The following JARID2 variants were observed in gnomAD, a reference collection of about 807,000 sequenced individuals.
The protein encoded by JARID2 is protein Jumonji.
In JARID2, 21 loss-of-function variants were observed where a neutral mutation model predicts 125.6. The observed-to-expected ratio is 0.17, with a 90% CI of 0.12 to 0.24. The LOEUF is 0.24. JARID2 is among the 10% of genes least tolerant of loss of function. The pLI is 1.00. For synonymous variants in JARID2, 736 were observed against 661.6 expected, an observed-to-expected ratio of 1.11 and a Z score of -1.73; for missense variants, 1,303 against 1,639.6, an observed-to-expected ratio of 0.79 and a Z score of 3.55.
intron 1 of JARID2, among the ~76,000 whole-genome samples, chr6:15,260,656 C>T (rs1320328547): frequency 6.6e-6 from 1 of 152,170 alleles, no homozygotes; most frequent in Non-Finnish European, 1.5e-5. Context: ...GAGTTCTTGT[C>T]TGGATGAGAT....
intron 6 of JARID2, among the ~76,000 whole-genome samples, chr6:15,495,711 GTC>G (rs1770381042): frequency 6.6e-6 from 1 of 152,206 alleles, no homozygotes; most frequent in Non-Finnish European, 1.5e-5. Flanking sequence ...GTGTGTGTCT[GTC>G]TCCACTTCCC....
In JARID2 at chr6:15,246,577, A is replaced by G; in HGVS notation, c.38A>G (p.Lys13Arg). The change falls in exon 1 of 18, where the codon AAG becomes AGG. Residue 13 changes from lysine to arginine, a missense_variant. Physicochemically the swap from Lys to Arg is conservative, Grantham distance 26 (BLOSUM62 2). Coordinates refer to ENST00000341776, the MANE Select transcript of JARID2 (RefSeq NM_004973.4). ...KERPKRNIIQKKYDDSDGIPW... is the reference protein window; with the variant it reads ...KERPKRNIIQRKYDDSDGIPW... ...AGACCCAAGAGGAATATCATTCAGA[A>G]GAAATACGTAAGTGCTCCTAACAAC... is the stretch of plus-strand genomic sequence containing the variant. 1 of 1,613,004 alleles carries G rather than the reference A, an allele frequency of 6.2e-7. No individual in the cohort carries two copies. Among genetic ancestry groups the G allele is most frequent in the East Asian group, 2.2e-5 (1 of 44,866 alleles).
chr6:15,362,717 A>G (rs905855942), intron 1 of JARID2, among the ~76,000 whole-genome samples: 4 of 152,190 alleles, frequency 2.6e-5, no homozygotes, highest in African/African-American at 7.2e-5. Context: ...GGATGGTGTC[A>G]AATTGCAGCG....
intron 1 of JARID2, among the ~76,000 whole-genome samples, chr6:15,295,484 G>A (rs1761380334): frequency 6.6e-6 from 1 of 152,036 alleles, no homozygotes; most frequent in South Asian, 2.1e-4. Flanking sequence ...AAGCATTTTA[G>A]GGCCATTTCA....
At position 15,441,957 on chromosome 6, in the gene JARID2, A is replaced by G. The variant is rs564423078; in HGVS notation, c.324-10049A>G. Among the ~76,000 whole-genome samples the G allele has an allele frequency of 3.9e-5, 6 of 151,958 alleles. No homozygotes were observed. The South Asian group carries it at 1.0e-3, about 26-fold the overall frequency. Reference sequence around the variant, plus strand: ...CAGGCGCCTGCTACCACGCCCAGCTAATTTTTATATTTTTAGTAGAGACCA... The same window carrying G: ...CAGGCGCCTGCTACCACGCCCAGCTGATTTTTATATTTTTAGTAGAGACCA... On this transcript the variant is annotated intron_variant, in intron 3 of 17. Transcript: ENST00000341776.
At chr6:15,488,392 C>T (rs1288848136) in intron 6 of JARID2, among the ~76,000 whole-genome samples, 1 of 152,228 alleles carries the variant, frequency 6.6e-6, no homozygotes, top group Non-Finnish European at 1.5e-5. Flanking sequence ...GTTCCCCCCT[C>T]CATTTTAACA....
intron 1 of JARID2, among the ~76,000 whole-genome samples, chr6:15,263,593 T>C (rs1391395863): frequency 7.0e-6 from 1 of 143,568 alleles, no homozygotes; most frequent in East Asian, 2.0e-4. Context: ...GTCAGACAAT[T>C]TTTTTTTTTT....
chr6:15,248,516 C>G (rs1759288114), intron 1 of JARID2: 2 of 148,602 alleles, frequency 1.3e-5, no homozygotes, highest in African/African-American at 4.9e-5. Context: ...CCACCGCGCA[C>G]ACGGCCGAGC....
chr6:15,400,991 C>G (rs1765409904), intron 2 of JARID2: 4 of 1,289,358 alleles, frequency 3.1e-6, no homozygotes, highest in Non-Finnish European at 4.0e-6. Flanking sequence ...TTTTTGGTGG[C>G]TTATCTTGAG....
intron 7 of JARID2, among the ~76,000 whole-genome samples, chr6:15,498,835 C>T (rs75886212): frequency 5.3e-5 from 8 of 152,336 alleles, no homozygotes; most frequent in East Asian, 3.9e-4. Context: ...CCGCTGACCA[C>T]GCCCCATGAC....
chr6:15,415,569 G>GGC (rs1766123757), intron 3 of JARID2, among the ~76,000 whole-genome samples: 3 of 147,398 alleles, frequency 2.0e-5, no homozygotes, highest in Non-Finnish European at 3.0e-5. Context: ...TCACCTCCCG[G>GGC]ACGGGGCTGC....
chr6:15,253,987 A>G (rs541971992), intron 1 of JARID2, among the ~76,000 whole-genome samples: 8 of 152,180 alleles, frequency 5.3e-5, no homozygotes, highest in East Asian at 1.9e-4. Context: ...GTGGAGCCCC[A>G]AAAAGGGGAG....
intron 1 of JARID2, among the ~76,000 whole-genome samples, chr6:15,308,239 G>A (rs78256352): frequency 4.9e-4 from 75 of 152,272 alleles, no homozygotes; most frequent in African/African-American, 1.8e-3. Flanking sequence ...CTATGATGGA[G>A]TGCATTCTAG....
At chr6:15,457,738 G>C (rs1768254464) in intron 4 of JARID2, among the ~76,000 whole-genome samples, 1 of 151,458 alleles carries the variant, frequency 6.6e-6, no homozygotes, top group African/African-American at 2.4e-5. Flanking sequence ...AACCTTGTTT[G>C]TTATCTGTTA....
intron 5 of JARID2, among the ~76,000 whole-genome samples, chr6:15,484,340 G>A (rs1345085157): frequency 3.3e-5 from 5 of 152,230 alleles, no homozygotes; most frequent in East Asian, 3.8e-4. Flanking sequence ...AGTAGGAGAC[G>A]TAACAGGCAT....
rs1771118240 is a variant in JARID2, at chr6:15,508,564, C to T, written c.2846+110C>T. The T allele has an allele frequency of 7.3e-6, 5 of 686,078 alleles. No homozygotes were observed. The South Asian group carries it at 8.2e-5, about 11-fold the overall frequency. 42.5% of individuals were successfully genotyped at this position (686,078 alleles called of 1,614,324 possible). On this transcript the variant is annotated intron_variant, in intron 12 of 17. Transcript: ENST00000341776. ...CCAGGTGGTTCCACGTGCTTGAGAA[C>T]TTGCTTCTCTGTGTTCAGGCCTGTC... is the stretch of plus-strand genomic sequence containing the variant.
chr6:15,424,014 C>A (rs903675036), intron 3 of JARID2, among the ~76,000 whole-genome samples: 9 of 152,094 alleles, frequency 5.9e-5, no homozygotes, highest in Non-Finnish European at 1.3e-4. Flanking sequence ...CGTTGGTCTG[C>A]GTTGTTTGGC....
intron 2 of JARID2, among the ~76,000 whole-genome samples, chr6:15,396,481 T>A (rs545198383): frequency 6.6e-6 from 1 of 152,336 alleles, no homozygotes; most frequent in African/African-American, 2.4e-5. Flanking sequence ...TTTTTTAATT[T>A]AAAAAATTCA....
Position 15,490,001 on chromosome 6 carries a change from C to G in JARID2, c.906+2459C>G, listed in dbSNP as rs569438740. Among the ~76,000 whole-genome samples the G allele has an allele frequency of 2.6e-5, 4 of 152,346 alleles. No homozygotes were observed. The South Asian group carries it at 8.3e-4, about 32-fold the overall frequency. ...ACTTGAGATGTGATATTTAACCTTC[C>G]TGGGCCCTATTATTCCTTTGGAGCC... On this transcript the variant is annotated intron_variant, in intron 6 of 17. Transcript: ENST00000341776.
Sources: allele counts gnomAD v4.1 joint callset (sites outside exome capture counted in the v4.1 genomes callset), GRCh38; gene constraint gnomAD v4.1.1; transcripts MANE v1.5; gene names NCBI Gene and HGNC (gene_info 2026-07-23, HGNC 2026-07-21).